The following ELAVL2 variants were observed in gnomAD, a reference collection of about 807,000 sequenced individuals.
The protein encoded by ELAVL2 is ELAV like RNA binding protein 2.
Under a neutral mutation model 34.6 loss-of-function variants are expected in ELAVL2, and 4 were observed. That is an observed-to-expected ratio of 0.12 (90% CI 0.06 to 0.26). The LOEUF (loss-of-function observed/expected upper bound fraction) is 0.26. Among genes scored for constraint, ELAVL2 ranks in the 10% least tolerant of loss-of-function variants. ELAVL2 has a pLI of 1.00. For synonymous variants in ELAVL2, 193 were observed against 154.8 expected (o/e 1.25, Z -1.83); for missense variants, 432 against 442.8 (o/e 0.98, Z 0.22).
At chr9:23,800,279 C>A (rs2061426098) in intron 1 of ELAVL2, among the ~76,000 whole-genome samples, 1 of 152,156 alleles carries the variant, frequency 6.6e-6, no homozygotes, top group African/African-American at 2.4e-5. Flanking sequence ...GTGTAACAAT[C>A]AAGTCCTAAA....
chr9:23,693,667 T>C (rs2034037108), intron 5 of ELAVL2, among the ~76,000 whole-genome samples, 181 bp from the exon 6 acceptor site: 1 of 152,196 alleles, frequency 6.6e-6, no homozygotes, highest in South Asian at 2.1e-4. Flanking sequence ...ACAGGACAGT[T>C]CTTCCAATGA....
At chr9:23,839,004 A>C in the ELAVL2 span, among the ~76,000 whole-genome samples, 1 of 152,146 alleles carries the variant, frequency 6.6e-6, no homozygotes, top group Non-Finnish European at 1.5e-5. Flanking sequence ...CTCAACTGTG[A>C]CTGATGGCAG....
At chr9:23,843,035 C>G in the ELAVL2 span, among the ~76,000 whole-genome samples, 2 of 152,056 alleles carry the variant, frequency 1.3e-5, no homozygotes, top group Non-Finnish European at 2.9e-5. Context: ...CCTGAAGCAG[C>G]AATCATCATC....
intron 1 of ELAVL2, among the ~76,000 whole-genome samples, chr9:23,818,138 A>G (rs2138408635): frequency 6.6e-6 from 1 of 152,346 alleles, no homozygotes; most frequent in South Asian, 2.1e-4. Context: ...CTACACCTGT[A>G]AAATGAAAAT....
At chr9:23,693,410 G>A (rs2033920961) in intron 6 of ELAVL2, 38 bp downstream of exon 6, 1 of 1,612,228 alleles carries the variant, frequency 6.2e-7, no homozygotes, top group African/African-American at 1.3e-5. Flanking sequence ...AATCAACTGT[G>A]GAAAGGGATT....
At chr9:23,719,566 C>T (rs886702937) in intron 3 of ELAVL2, among the ~76,000 whole-genome samples, 2 of 152,174 alleles carry the variant, frequency 1.3e-5, no homozygotes, top group Non-Finnish European at 2.9e-5. Context: ...GTATGCACTG[C>T]TTTCACATAG....
At chr9:23,762,613 A>T (rs565419034) in intron 1 of ELAVL2, among the ~76,000 whole-genome samples, 32 of 152,224 alleles carry the variant, frequency 2.1e-4, no homozygotes, top group African/African-American at 7.7e-4. Context: ...AAATCATACT[A>T]GAAAATAAAA....
the ELAVL2 span, among the ~76,000 whole-genome samples, chr9:23,838,972 G>T: frequency 5.0e-4 from 76 of 152,154 alleles, no homozygotes; most frequent in Middle Eastern, 3.4e-3. Flanking sequence ...ACTATTCAGA[G>T]AATGGAAAAC....
intron 2 of ELAVL2, among the ~76,000 whole-genome samples, chr9:23,734,758 A>G (rs2047407200): frequency 6.6e-6 from 1 of 152,118 alleles, no homozygotes; most frequent in African/African-American, 2.4e-5. Flanking sequence ...TATATAGTGC[A>G]TATTTCTGGT....
chr9:23,731,626 C>T (rs1430413918), intron 2 of ELAVL2, among the ~76,000 whole-genome samples: 1 of 152,086 alleles, frequency 6.6e-6, no homozygotes, highest in African/African-American at 2.4e-5. Context: ...TGGTGAAGAA[C>T]CATGTGTGGG....
chr9:23,837,375 C>A, the ELAVL2 span, among the ~76,000 whole-genome samples: 1 of 152,140 alleles, frequency 6.6e-6, no homozygotes, highest in African/African-American at 2.4e-5. Flanking sequence ...TTATTTATCC[C>A]GCTAACTAGC....
chr9:23,802,405 G>A (rs1010410713), intron 1 of ELAVL2, among the ~76,000 whole-genome samples: 1 of 152,212 alleles, frequency 6.6e-6, no homozygotes, highest in Non-Finnish European at 1.5e-5. Context: ...GAATTTGCTA[G>A]TGATAGAATC....
At chr9:23,836,159 C>T in the ELAVL2 span, among the ~76,000 whole-genome samples, 2 of 152,062 alleles carry the variant, frequency 1.3e-5, no homozygotes, top group Non-Finnish European at 1.5e-5. Context: ...AAGATACTGT[C>T]GTAATAGAAA....
chr9:23,745,023 T>C (rs906621924), intron 2 of ELAVL2, among the ~76,000 whole-genome samples: 3 of 151,942 alleles, frequency 2.0e-5, no homozygotes, highest in Admixed American at 6.6e-5. Context: ...TAGGCAACAA[T>C]AGGGAGAACC....
intron 1 of ELAVL2, among the ~76,000 whole-genome samples, chr9:23,794,705 A>C (rs2060706543): frequency 6.6e-6 from 1 of 152,228 alleles, no homozygotes; most frequent in Non-Finnish European, 1.5e-5. Flanking sequence ...GAAAATCATG[A>C]AAAAATTTGT....
chr9:23,759,778 A>ATATATATATATATAT (rs1220130983), intron 2 of ELAVL2, among the ~76,000 whole-genome samples: 5 of 138,880 alleles, frequency 3.6e-5, no homozygotes, highest in Non-Finnish European at 6.3e-5. Flanking sequence ...ATATATATAT[A>ATATATATATATATAT]TATATATATA....
intron 3 of ELAVL2, among the ~76,000 whole-genome samples, chr9:23,725,019 T>C (rs917955400): frequency 3.3e-5 from 5 of 152,168 alleles, no homozygotes; most frequent in Non-Finnish European, 7.4e-5. Flanking sequence ...GGGTACTTTG[T>C]AGACGATGAT....
chr9:23,823,025 G>A (rs2065030274), intron 1 of ELAVL2, among the ~76,000 whole-genome samples: 1 of 152,252 alleles, frequency 6.6e-6, no homozygotes, highest in African/African-American at 2.4e-5. Context: ...TAGTGAAGTA[G>A]GGGGCTCAAC....
intron 1 of ELAVL2, among the ~76,000 whole-genome samples, chr9:23,806,725 T>C (rs2062273782): frequency 6.6e-6 from 1 of 152,128 alleles, no homozygotes; most frequent in African/African-American, 2.4e-5. Flanking sequence ...GAAAGTAACA[T>C]TTAAGTTGTG....
Sources: gnomAD v4.1 joint callset for allele counts (sites outside exome capture counted in the v4.1 genomes callset) on GRCh38, gnomAD v4.1.1 for gene constraint, MANE v1.5 for transcripts, NCBI Gene and HGNC (gene_info 2026-07-23, HGNC 2026-07-21) for gene names.